ZDHHC20: variants seen among roughly 807,000 people sequenced by gnomAD.
ZDHHC20 encodes zDHHC palmitoyltransferase 20, also known as palmitoyltransferase ZDHHC20.
ZDHHC20 carries 43 observed loss-of-function variants against 57.8 expected under a neutral mutation model. The observed-to-expected ratio is 0.74, with a 90% CI of 0.58 to 0.96. ZDHHC20 has a LOEUF of 0.96. ZDHHC20 is among the 40% of genes least tolerant of loss of function. ZDHHC20 has a pLI of 0.00. For synonymous variants in ZDHHC20, 157 were observed against 153.0 expected (o/e 1.03, Z -0.19); for missense variants, 391 against 441.1 (o/e 0.89, Z 1.02).
intron 1 of ZDHHC20, among the ~76,000 whole-genome samples, chr13:21,455,794 G>A (rs1426279679): frequency 1.3e-5 from 2 of 152,018 alleles, no homozygotes; most frequent in African/African-American, 2.4e-5. Context: ...GAGATATTTA[G>A]GAATCTTCTG....
Position 21,374,658 on chromosome 13 carries a change from C to A in ZDHHC20, c.*2038G>T. On this transcript the variant is annotated 3_prime_UTR_variant, in exon 13 of 13. Transcript: ENST00000400590. ...TTATGTTTTCAAAGCTAACTCATTCCTTTGGTTCAAAAAGAAAAAAAGTTG... is the reference window on the plus strand; with the variant it reads ...TTATGTTTTCAAAGCTAACTCATTCATTTGGTTCAAAAAGAAAAAAAGTTG... The A allele has an allele frequency of 4.3e-6, 1 of 230,394 alleles. No individual in the cohort carries two copies. The highest frequency in any genetic ancestry group is 5.7e-5 in the South Asian group (1 of 17,566). 14.3% of individuals were successfully genotyped at this position (230,394 alleles called of 1,614,324 possible).
intron 1 of ZDHHC20, among the ~76,000 whole-genome samples, chr13:21,442,297 C>T (rs1246963911): frequency 6.6e-6 from 1 of 152,148 alleles, no homozygotes; most frequent in African/African-American, 2.4e-5. Context: ...CCATTTCTAT[C>T]CTCTATGCCT....
intron 11 of ZDHHC20, among the ~76,000 whole-genome samples, chr13:21,380,631 T>TA (rs1487238082): frequency 2.0e-5 from 3 of 150,708 alleles, no homozygotes; most frequent in Admixed American, 2.0e-4. Flanking sequence ...GTCTCTACTA[T>TA]AATACAAAAA....
chr13:21,394,227 A>G (rs893624566), intron 7 of ZDHHC20, among the ~76,000 whole-genome samples: 1 of 152,128 alleles, frequency 6.6e-6, no homozygotes, highest in African/African-American at 2.4e-5. Flanking sequence ...CAGCCACAGT[A>G]GCCTTCTTGT....
rs920051402 is a variant in ZDHHC20, at chr13:21,459,193, C to T, written c.-22G>A. ...CCATGTTCCGCTGGCGGCTGCCGAG[C>T]CCCGCGTCCCACCGTTCTGGGGAGC... is the stretch of plus-strand genomic sequence containing the variant. On this transcript the variant is annotated 5_prime_UTR_variant, in exon 1 of 13. Coordinates refer to ENST00000400590, the MANE Select transcript of ZDHHC20 (RefSeq NM_001330059.2). The T allele has an allele frequency of 1.3e-6, 2 of 1,581,470 alleles. No homozygotes were observed. Among genetic ancestry groups the T allele is most frequent in the Non-Finnish European group, 8.6e-7 (1 of 1,164,624 alleles).
intron 1 of ZDHHC20, among the ~76,000 whole-genome samples, chr13:21,433,579 T>C (rs1882228660): frequency 1.5e-5 from 2 of 137,430 alleles, no homozygotes; most frequent in South Asian, 2.5e-4. Context: ...ATCACTCCAC[T>C]GCACTCCAGC....
At chr13:21,452,693 G>C (rs1277712310) in intron 1 of ZDHHC20, among the ~76,000 whole-genome samples, 1 of 152,168 alleles carries the variant, frequency 6.6e-6, no homozygotes, top group Non-Finnish European at 1.5e-5. Flanking sequence ...AGATGGAAGA[G>C]ATAGAAGTAT....
chr13:21,430,956 G>C (rs1881845012), intron 1 of ZDHHC20, among the ~76,000 whole-genome samples: 1 of 152,084 alleles, frequency 6.6e-6, no homozygotes, highest in South Asian at 2.1e-4. Flanking sequence ...CTCAGAACTG[G>C]AAGTCCCTGC....
At chr13:21,384,357 T>C (rs1874044223) in intron 9 of ZDHHC20, among the ~76,000 whole-genome samples, 1 of 150,706 alleles carries the variant, frequency 6.6e-6, no homozygotes, top group African/African-American at 2.4e-5. Flanking sequence ...TACGAATCGC[T>C]TGAACCCGGG....
At chr13:21,387,059 G>GA (rs762280122) in intron 9 of ZDHHC20, among the ~76,000 whole-genome samples, 19 of 152,172 alleles carry the variant, frequency 1.2e-4, no homozygotes, top group Non-Finnish European at 2.6e-4. Context: ...GAAAGAAATG[G>GA]AAACTATCAA....
chr13:21,448,738 C>T (rs1306472970), intron 1 of ZDHHC20, among the ~76,000 whole-genome samples: 5 of 97,148 alleles, frequency 5.1e-5, no homozygotes, highest in African/African-American at 1.6e-4. Context: ...TCATTGAGAA[C>T]GGGCCAGGAT....
chr13:21,417,172 T>G (rs1041490962), intron 3 of ZDHHC20, among the ~76,000 whole-genome samples: 2 of 151,720 alleles, frequency 1.3e-5, no homozygotes, highest in Non-Finnish European at 2.9e-5. Flanking sequence ...CCTCGGAGAT[T>G]TATCTGACTA....
In ZDHHC20 at chr13:21,402,853, A is replaced by T; in HGVS notation, c.384T>A (p.Cys128Ter). The change falls in exon 5 of 13, where the codon TGT becomes TGA. Residue 128 changes from cysteine to a stop codon, truncating the protein, a stop_gained. Transcript: ENST00000400590. LOFTEE classifies it high-confidence loss of function. ...CAGGTTTAATCAGCTGACATTTTTC[A>T]CAATATCTGATAGCTACATGAAAGA... Reference protein sequence around the residue: ...TTSASKTIRYCEKCQLIKPDR... With the variant: ...TTSASKTIRY 6.3e-7 allele frequency: 1 copy of T among 1,593,540 alleles called. No homozygotes were observed. Among genetic ancestry groups the T allele is most frequent in the Non-Finnish European group, 8.6e-7 (1 of 1,169,302 alleles).
At chr13:21,394,971 T>G (rs954335286) in intron 7 of ZDHHC20, among the ~76,000 whole-genome samples, 9 of 152,206 alleles carry the variant, frequency 5.9e-5, no homozygotes, top group African/African-American at 1.7e-4. Context: ...TTTAATTATA[T>G]TCTTTAATTA....
At chr13:21,449,080 C>T (rs1294425984) in intron 1 of ZDHHC20, among the ~76,000 whole-genome samples, 1 of 132,574 alleles carries the variant, frequency 7.5e-6, no homozygotes, top group East Asian at 2.0e-4. Context: ...ACAAACACTG[C>T]GGAAGGCCGC....
chr13:21,456,587 G>A (rs1030098411), intron 1 of ZDHHC20, among the ~76,000 whole-genome samples: 3 of 152,284 alleles, frequency 2.0e-5, no homozygotes, highest in South Asian at 2.1e-4. Context: ...TTAAAGGATA[G>A]TTTTAATATG....
intron 8 of ZDHHC20, among the ~76,000 whole-genome samples, chr13:21,388,906 T>C (rs1296088523): frequency 1.3e-5 from 2 of 152,072 alleles, no homozygotes; most frequent in East Asian, 1.9e-4. Flanking sequence ...GTTAAAGTCA[T>C]TTATCATAGG....
chr13:21,381,975 G>T lies in ZDHHC20; in HGVS notation c.945-426C>A, dbSNP rs554992943. The T allele has an allele frequency of 1.6e-4, 82 of 514,112 alleles. No homozygotes were observed. In the East Asian group the frequency reaches 4.3e-3, roughly 27 times the overall value. 31.8% of individuals were successfully genotyped at this position (514,112 alleles called of 1,614,324 possible). On this transcript the variant is annotated intron_variant, in intron 10 of 12. Transcript: ENST00000400590. ...GGGGAAAAAATGATTCAGTGATTTA[G>T]CGTAGACTTATTTTTCTAGCTAAAA...
intron 2 of ZDHHC20, 136 bp downstream of exon 2, chr13:21,425,511 CCTTTT>C (rs1463298507): frequency 1.8e-6 from 1 of 561,306 alleles, no homozygotes; most frequent in Non-Finnish European, 2.8e-6. Context: ...TACTAGATCT[CCTTTT>C]AATTACTTAA....
Sources: gnomAD v4.1 joint callset for allele counts (sites outside exome capture counted in the v4.1 genomes callset) on GRCh38, gnomAD v4.1.1 for gene constraint, MANE v1.5 for transcripts, NCBI Gene and HGNC (gene_info 2026-07-23, HGNC 2026-07-21) for gene names.